Variants in MXRA5 observed in about 807,000 individuals in gnomAD.
MXRA5 encodes the protein matrix-remodeling-associated protein 5.
In MXRA5, 41 loss-of-function variants were observed where a neutral mutation model predicts 112.5. The ratio of observed to expected loss-of-function variants is 0.36; its 90% CI spans 0.28 to 0.47. MXRA5 has a LOEUF of 0.47. Among genes scored for constraint, MXRA5 ranks in the 20% least tolerant of loss-of-function variants. The pLI, the probability that MXRA5 is intolerant of heterozygous loss-of-function variation, is 0.99. For missense variants in MXRA5, 2,150 were observed against 2,251.0 expected (o/e 0.96, Z 0.91); for synonymous variants, 862 against 900.8 (o/e 0.96, Z 0.77).
At chrX:3,341,066 A>ATG (rs1569188321) in intron 2 of MXRA5, among the ~76,000 whole-genome samples, 1 of 22,240 alleles carries the variant, frequency 4.5e-5, no homozygotes, top group Non-Finnish European at 1.2e-4. Context: ...ATTATATATT[A>ATG]TATAATATAT....
chrX:3,318,044 C>G, intron 5 of MXRA5, 41 bp from the exon 6 acceptor site: 2 of 1,081,106 alleles, frequency 1.8e-6, no homozygotes, highest in Non-Finnish European at 2.5e-6. Context: ...ATAAACTGTG[C>G]CCTTTTGATA....
intron 6 of MXRA5, among the ~76,000 whole-genome samples, chrX:3,315,936 C>CTTTTT (rs1921103585): frequency 9.4e-6 from 1 of 106,027 alleles, no homozygotes; most frequent in Non-Finnish European, 1.9e-5. Flanking sequence ...ACAAGAATTT[C>CTTTTT]TTGGTTCATT....
intron 6 of MXRA5, among the ~76,000 whole-genome samples, chrX:3,313,358 C>T (rs1330638629): frequency 8.9e-6 from 1 of 112,680 alleles, no homozygotes; most frequent in African/African-American, 3.2e-5. Flanking sequence ...CTCCCAGGTT[C>T]AAATGATTCT....
chrX:3,326,012 A>G (rs1391868642), intron 4 of MXRA5, among the ~76,000 whole-genome samples: 1 of 54,001 alleles, frequency 1.9e-5, no homozygotes, highest in Non-Finnish European at 3.3e-5. Flanking sequence ...TATTATATAT[A>G]TTTATATGTA....
intron 2 of MXRA5, among the ~76,000 whole-genome samples, 199 bp downstream of exon 2, chrX:3,343,447 T>C (rs1264815811): frequency 8.9e-6 from 1 of 112,499 alleles, no homozygotes; most frequent in Non-Finnish European, 1.9e-5. Context: ...TATATTGAGA[T>C]AATCATCGAA....
At chrX:3,335,485 C>G (rs1921765054) in intron 2 of MXRA5, among the ~76,000 whole-genome samples, 1 of 112,890 alleles carries the variant, frequency 8.9e-6, no homozygotes, top group East Asian at 2.8e-4. Context: ...GCGTGAGTCA[C>G]TGCGCCTGGC....
Position 3,324,071 on chromosome X carries a change from G to A in MXRA5, c.1614C>T (p.Gly538=), listed in dbSNP as rs766059922. The change falls in exon 5 of 7, where the codon GGC becomes GGT. Residue 538 remains glycine (G), a synonymous_variant. Coordinates refer to ENST00000217939, the MANE Select transcript of MXRA5 (RefSeq NM_015419.4). ...GCTCCATGGACTTGATCCTCAGCCA[G>A]CCACTGCTGAGAATGGAGAACTTGC... ...PDSKFSILSS[G]WLRIKSMEPS... is the part of the protein sequence containing the mutation. 7.5e-6 allele frequency: 9 copies of A among 1,205,956 alleles called. No individual in the cohort carries two copies. In the South Asian group the frequency reaches 1.6e-4, roughly 22 times the overall value.
chrX:3,342,360 A>T (rs1255461361), intron 2 of MXRA5, among the ~76,000 whole-genome samples: 1 of 111,580 alleles, frequency 9.0e-6, no homozygotes, highest in Non-Finnish European at 1.9e-5. Context: ...TTGGAACTTA[A>T]AGTTAAGTAA....
intron 2 of MXRA5, among the ~76,000 whole-genome samples, chrX:3,338,547 GAGAT>G (rs1223710241): frequency 3.6e-5 from 4 of 111,437 alleles, no homozygotes; most frequent in East Asian, 2.8e-4. Flanking sequence ...ATACATGATA[GAGAT>G]AGATTGATTG....
chrX:3,343,880 G>A lies in MXRA5; in HGVS notation c.-28-19C>T. 1 of 1,156,389 alleles carries A rather than the reference G, an allele frequency of 8.6e-7. No homozygotes were observed. The highest frequency in any genetic ancestry group is 1.2e-6 in the Non-Finnish European group (1 of 858,947). ...CGGATACCTGAGGTAGAACAACGAA[G>A]AGATGAGCTTATTCACAGGTAGCAC... On this transcript the variant is annotated intron_variant, in intron 1 of 6. Transcript: ENST00000217939.
Position 3,317,109 on chromosome X carries a change from A to T in MXRA5, c.6572T>A (p.Leu2191His), listed in dbSNP as rs1921156753. ...RLPSKRMIDA[L>H]FSFDSRIKVF... Reference sequence around the variant, plus strand: ...GCCACGCAGAGCTGCCTACCTGAAGAGCGCGTCGATCATCCTCTTGGACGG... The same window carrying T: ...GCCACGCAGAGCTGCCTACCTGAAGTGCGCGTCGATCATCCTCTTGGACGG... The change falls in exon 6 of 7, where the codon CTC becomes CAC. Residue 2191 changes from leucine (L) to histidine (H), a missense_variant. Leu to His is a moderately conservative substitution (Grantham distance 99, BLOSUM62 -3). Transcript: ENST00000217939. The T allele has an allele frequency of 8.6e-7, 1 of 1,158,063 alleles. No homozygotes were observed. Among genetic ancestry groups the T allele is most frequent in the African/African-American group, 1.8e-5 (1 of 56,696 alleles).
intron 2 of MXRA5, among the ~76,000 whole-genome samples, chrX:3,334,190 C>T (rs1327503372): frequency 2.7e-5 from 3 of 111,314 alleles, no homozygotes; most frequent in Admixed American, 9.6e-5. Flanking sequence ...CCATGTTGCC[C>T]GAGCTGGTCT....
chrX:3,309,404 C>G lies in MXRA5; in HGVS notation c.*312G>C, dbSNP rs1297997230. ...ATGTTCCTCAGATATCCTATGGACG[C>G]TTATGAAGGCAGTCGAGTGGCATTT... On this transcript the variant is annotated 3_prime_UTR_variant, in exon 7 of 7. Coordinates refer to ENST00000217939, the MANE Select transcript of MXRA5 (RefSeq NM_015419.4). The G allele has an allele frequency of 3.4e-6, 1 of 291,572 alleles. No individual in the cohort carries two copies. Among genetic ancestry groups the G allele is most frequent in the African/African-American group, 2.7e-5 (1 of 37,327 alleles). 24.0% of individuals were successfully genotyped at this position (291,572 alleles called of 1,213,427 possible).
chrX:3,311,014 T>C lies in MXRA5; in HGVS notation c.7189A>G (p.Ile2397Val), dbSNP rs770387300. 6.6e-6 allele frequency: 8 copies of C among 1,211,570 alleles called. No individual in the cohort carries two copies. The South Asian group carries it at 1.4e-4, about 21-fold the overall frequency. ...ATAAGGAGAGTGCCATCTTGGTATA[T>C]CTGATACTTCTCAGAGGAGGTGGGG... ...VIPTSSEKYQ[I>V]YQDGTLLIQK... Residue 2397 changes from isoleucine (I) to valine (V), a missense_variant, in exon 7 of 7, where the codon ATA becomes GTA. Physicochemically the swap from Ile to Val is conservative, Grantham distance 29 (BLOSUM62 3). Coordinates refer to ENST00000217939, the MANE Select transcript of MXRA5 (RefSeq NM_015419.4).
In MXRA5 at chrX:3,330,053, A is replaced by T; in HGVS notation, c.674T>A (p.Met225Lys). Reference sequence around the variant, plus strand: ...TGCATCCCATTCCAAAAACCATCTCATCTCACAATCGCAGGTCCACGGATT... The same window carrying T: ...TGCATCCCATTCCAAAAACCATCTCTTCTCACAATCGCAGGTCCACGGATT... ...QGNPWTCDCE[M>K]RWFLEWDAKS... The change falls in exon 4 of 7, where the codon ATG becomes AAG. Residue 225 changes from methionine (M) to lysine (K), a missense_variant. Coordinates refer to ENST00000217939, the MANE Select transcript of MXRA5 (RefSeq NM_015419.4). The T allele has an allele frequency of 8.3e-7, 1 of 1,210,738 alleles. No homozygotes were observed. The highest frequency in any genetic ancestry group is 1.1e-6 in the Non-Finnish European group (1 of 895,218).
rs375885065 is a variant in MXRA5, at chrX:3,324,521, G to C, written c.1164C>G (p.Pro388=). 13 of 1,211,159 alleles carry C rather than the reference G, an allele frequency of 1.1e-5. No homozygotes were observed. The highest frequency in any genetic ancestry group is 1.5e-5 in the Non-Finnish European group (13 of 895,352). ...WKLIAYYSEV[P]VKLHRELMLS... is the part of the protein sequence containing the mutation. ...GCATGAGCTCTCTGTGTAGCTTCAC[G>C]GGAACTTCACTGTAGTATGCTATCA... Residue 388 remains proline (P), a synonymous_variant, in exon 5 of 7, where the codon CCC becomes CCG. Coordinates refer to ENST00000217939, the MANE Select transcript of MXRA5 (RefSeq NM_015419.4).
At position 3,330,781 on chromosome X, in the gene MXRA5, A is replaced by G; in HGVS notation, c.189-8T>C. ...GCCTGTATGCTATTAAACCTAAAGA[A>G]TGGTAATAATAATAATAACAATAAT... On this transcript the variant is annotated splice_region_variant and splice_polypyrimidine_tract_variant and intron_variant, in intron 2 of 6. Transcript: ENST00000217939. 9.2e-7 allele frequency: 1 copy of G among 1,081,451 alleles called. No individual in the cohort carries two copies. Among genetic ancestry groups the G allele is most frequent in the Non-Finnish European group, 1.2e-6 (1 of 802,852 alleles). The allele number at this position is 1,081,451 out of a possible 1,213,427, so 89.1% of individuals were successfully genotyped here.
intron 2 of MXRA5, among the ~76,000 whole-genome samples, chrX:3,336,869 C>A (rs976786874): frequency 4.5e-5 from 5 of 111,577 alleles, no homozygotes; most frequent in African/African-American, 1.6e-4. Context: ...ATGTCTGCTA[C>A]AGATTCTACA....
At chrX:3,341,193 T>C (rs1921941055) in intron 2 of MXRA5, among the ~76,000 whole-genome samples, 1 of 19,112 alleles carries the variant, frequency 5.2e-5, no homozygotes, top group Non-Finnish European at 1.3e-4. Flanking sequence ...TAATATATAA[T>C]TATTATATAT....
Sources: gnomAD v4.1 joint callset for allele counts (sites outside exome capture counted in the v4.1 genomes callset) on GRCh38, gnomAD v4.1.1 for gene constraint, MANE v1.5 for transcripts, NCBI Gene and HGNC (gene_info 2026-07-23, HGNC 2026-07-21) for gene names.